Variants in KIF24 observed in about 807,000 individuals in gnomAD.
KIF24 encodes kinesin family member 24.
A neutral mutation model predicts 118.9 loss-of-function variants in KIF24; 81 were observed. The ratio of observed to expected loss-of-function variants is 0.68; its 90% CI spans 0.57 to 0.82. The LOEUF (loss-of-function observed/expected upper bound fraction) is 0.82, where lower values mean the gene tolerates loss of function less well. KIF24 is among the 40% of genes least tolerant of loss of function. KIF24 has a pLI of 0.00. For missense variants in KIF24, 1,560 were observed against 1,661.6 expected (o/e 0.94, Z 1.06); for synonymous variants, 599 against 610.0 (o/e 0.98, Z 0.27).
At chr9:34,329,331 C>A (rs747626628), upstream of KIF24, among the ~76,000 whole-genome samples, 10 of 152,252 alleles carry the variant, frequency 6.6e-5, no homozygotes, top group Non-Finnish European at 1.5e-5. Flanking sequence ...TCCAAGGAAT[C>A]GGTTGACGTT....
intron 3 of KIF24, among the ~76,000 whole-genome samples, chr9:34,301,145 A>G (rs879745885): frequency 1.3e-5 from 2 of 152,234 alleles, no homozygotes; most frequent in Non-Finnish European, 2.9e-5. Flanking sequence ...TACACAATTC[A>G]TAACGTCCTT....
intron 1 of KIF24, among the ~76,000 whole-genome samples, chr9:34,327,008 A>G (rs1837691958): frequency 6.6e-6 from 1 of 152,192 alleles, no homozygotes; most frequent in South Asian, 2.1e-4. Flanking sequence ...AGAATAATGT[A>G]AATTAACTGC....
chr9:34,332,394 G>T (rs1837966909), upstream of KIF24, among the ~76,000 whole-genome samples: 1 of 152,134 alleles, frequency 6.6e-6, no homozygotes. Flanking sequence ...ACTGTAACTT[G>T]TCTGTTGGAA....
chr9:34,288,264 T>C (rs571819032), intron 5 of KIF24, among the ~76,000 whole-genome samples: 6 of 151,318 alleles, frequency 4.0e-5, no homozygotes, highest in South Asian at 2.1e-4. Flanking sequence ...GAGAGGAGGA[T>C]TGTTTGAGCC....
chr9:34,305,427 C>T (rs1368914821), intron 3 of KIF24, among the ~76,000 whole-genome samples: 1 of 152,108 alleles, frequency 6.6e-6, no homozygotes, highest in Admixed American at 6.5e-5. Context: ...TGGCAATTGT[C>T]GGTCCTGTTG....
upstream of KIF24, chr9:34,329,521 A>C (rs1159499957): frequency 6.6e-6 from 1 of 152,200 alleles, no homozygotes; most frequent in Non-Finnish European, 1.5e-5. Context: ...GATGGGCCCA[A>C]GCGTAACCAG....
intron 9 of KIF24, among the ~76,000 whole-genome samples, chr9:34,261,046 T>C (rs1835036009): frequency 6.6e-6 from 1 of 152,164 alleles, no homozygotes; most frequent in South Asian, 2.1e-4. Context: ...ATAAGTAGGT[T>C]CCTGGGTCCC....
chr9:34,255,726 C>G lies in KIF24; in HGVS notation c.3872+9G>C. On this transcript the variant is annotated intron_variant, in intron 11 of 12. Transcript: ENST00000402558. The stretch of plus-strand genomic sequence containing the variant: ...GGGGCTCAAGTCTTAGGGAAAGTGT[C>G]CAACTTACTGCGCTTGCTCCAGGGT... 1 of 1,599,280 alleles carries G rather than the reference C, an allele frequency of 6.3e-7. No homozygotes were observed. The highest frequency in any genetic ancestry group is 8.5e-7 in the Non-Finnish European group (1 of 1,172,320).
At chr9:34,296,012 G>A (rs1486142054) in intron 4 of KIF24, among the ~76,000 whole-genome samples, 6 of 147,306 alleles carry the variant, frequency 4.1e-5, no homozygotes, top group African/African-American at 1.5e-4. Context: ...GAGGTCAGGA[G>A]ATCGAGACCA....
At chr9:34,310,190 T>C (rs1587964857) in intron 2 of KIF24, among the ~76,000 whole-genome samples, 1 of 152,134 alleles carries the variant, frequency 6.6e-6, no homozygotes, top group African/African-American at 2.4e-5. Context: ...TTTTCCGGGG[T>C]TGAAATTGTA....
chr9:34,328,402 A>C (rs999683079), intron 1 of KIF24, among the ~76,000 whole-genome samples: 1 of 152,222 alleles, frequency 6.6e-6, no homozygotes, highest in Non-Finnish European at 1.5e-5. Flanking sequence ...AGTCTAATAA[A>C]ATTATTGGGA....
intron 6 of KIF24, among the ~76,000 whole-genome samples, chr9:34,272,927 A>G (rs1835558086): frequency 6.6e-6 from 1 of 152,040 alleles, no homozygotes; most frequent in East Asian, 1.9e-4. Flanking sequence ...CCCAGCCACA[A>G]AGAACTTTAA....
rs1329380432 is a variant in KIF24, at chr9:34,318,385, C to T, written c.-25-7014G>A. 3.7e-5 allele frequency: 25 copies of T among 674,730 alleles called. No homozygotes were observed. The highest frequency in any genetic ancestry group is 5.5e-5 in the East Asian group (2 of 36,076). 41.8% of individuals were successfully genotyped at this position (674,730 alleles called of 1,614,324 possible). A position where few individuals can be genotyped will look rare whatever the true frequency, so the allele number is the denominator to read the frequency against. ...GCCCTGACAGGTCCATCGTGGTGCACGCAAACCACCTCCCAGCCACGCGCT... is the reference window on the plus strand; with the variant it reads ...GCCCTGACAGGTCCATCGTGGTGCATGCAAACCACCTCCCAGCCACGCGCT... On this transcript the variant is annotated intron_variant, in intron 1 of 12. Coordinates refer to ENST00000402558, the MANE Select transcript of KIF24 (RefSeq NM_194313.4). The surrounding 1 kb of genome is among the most constrained non-coding windows in gnomAD (Gnocchi z 4.9).
chr9:34,258,088 G>T, intron 10 of KIF24, 107 bp from the exon 11 acceptor site: 1 of 851,226 alleles, frequency 1.2e-6, no homozygotes, highest in Non-Finnish European at 1.9e-6. Context: ...TACAAGGATT[G>T]GGAGTTATTT....
intron 1 of KIF24, among the ~76,000 whole-genome samples, chr9:34,313,738 G>GTTTTTTTTTTTTTTTT (rs5897567): frequency 3.1e-5 from 4 of 130,356 alleles, no homozygotes; most frequent in Non-Finnish European, 4.9e-5. Flanking sequence ...CCCGTTATCT[G>GTTTTTTTTTTTTTTTT]TTTTTTTTTT....
chr9:34,321,142 T>A (rs577852988), intron 1 of KIF24, among the ~76,000 whole-genome samples: 1 of 152,294 alleles, frequency 6.6e-6, no homozygotes, highest in African/African-American at 2.4e-5. Flanking sequence ...AACACATTCT[T>A]ATTCTGTAGG....
chr9:34,326,715 G>A (rs1837682741), intron 1 of KIF24, among the ~76,000 whole-genome samples: 4 of 152,186 alleles, frequency 2.6e-5, no homozygotes, highest in Admixed American at 2.6e-4. Context: ...AGTATGAGAA[G>A]AGGAGAGAAA....
intron 4 of KIF24, 100 bp from the exon 5 acceptor site, chr9:34,290,489 T>A (rs949197886): frequency 1.3e-5 from 9 of 709,324 alleles, no homozygotes; most frequent in Admixed American, 5.8e-5. Flanking sequence ...CATAGAATCT[T>A]AGAGAAAATT....
chr9:34,321,094 T>A (rs1837505372), intron 1 of KIF24, among the ~76,000 whole-genome samples: 1 of 152,156 alleles, frequency 6.6e-6, no homozygotes, highest in Non-Finnish European at 1.5e-5. Flanking sequence ...ATCAGAGACA[T>A]CCAATAAACA....
Sources: gnomAD v4.1 joint callset for allele counts (sites outside exome capture counted in the v4.1 genomes callset) on GRCh38, gnomAD v4.1.1 for gene constraint, Gnocchi (gnomAD v3.1) non-coding constraint, MANE v1.5 for transcripts, NCBI Gene and HGNC (gene_info 2026-07-23, HGNC 2026-07-21) for gene names.